Variants in DSCAML1 observed in about 807,000 individuals in gnomAD.
DSCAML1 encodes the protein cell adhesion molecule DSCAML1.
In DSCAML1, 38 loss-of-function variants were observed where a neutral mutation model predicts 200.5. The observed-to-expected ratio is 0.19, with a 90% confidence interval of 0.15 to 0.25. The LOEUF (loss-of-function observed/expected upper bound fraction) is 0.25. Among genes scored for constraint, DSCAML1 ranks in the 10% least tolerant of loss-of-function variants. The probability of loss-of-function intolerance (pLI) is 1.00; values close to 1 mark genes in which losing one functional copy is unlikely to be tolerated. For missense variants in DSCAML1, 2,223 were observed against 2,858.8 expected (o/e 0.78, Z 5.07); for synonymous variants, 1,215 against 1,165.0 (o/e 1.04, Z -0.87).
intron 3 of DSCAML1, among the ~76,000 whole-genome samples, chr11:117,757,911 A>G (rs2054724613): frequency 6.6e-6 from 1 of 152,068 alleles, no homozygotes; most frequent in Non-Finnish European, 1.5e-5. Context: ...AATCGCTTGA[A>G]CCCAGGAGGT....
intron 32 of DSCAML1, among the ~76,000 whole-genome samples, chr11:117,429,837 C>T (rs1281143446): frequency 6.6e-6 from 1 of 152,178 alleles, no homozygotes; most frequent in Non-Finnish European, 1.5e-5. Context: ...TCACGACAGC[C>T]CCTAGGATTG....
chr11:117,796,971 GCCGCCAGCCGCGCCACCCTGGCC>G, intron 1 of DSCAML1, 40 bp downstream of exon 1: 1 of 1,210,686 alleles, frequency 8.3e-7, no homozygotes, highest in Non-Finnish European at 1.1e-6. Context: ...ACCCCGCCTC[GCCGCCAGCCGCGCCACCCTGGCC>G]CCGCCGCCTC....
Position 117,669,793 on chromosome 11 carries a change from G to T in DSCAML1, c.511+106998C>A, listed in dbSNP as rs189631509. Among the ~76,000 whole-genome samples, 4 of 152,364 alleles carry T rather than the reference G, an allele frequency of 2.6e-5. No individual in the cohort carries two copies. The East Asian group carries it at 7.7e-4, about 29-fold the overall frequency. On this transcript the variant is annotated intron_variant, in intron 3 of 32. Transcript: ENST00000651296. ...TTCCAGCTGAAGGAACATGTGCAAA[G>T]GCCCTGGGGCAGGGGCGGATGGAAC...
rs1392309254 is a variant in DSCAML1, at chr11:117,526,880, G to A, written c.659-1797C>T. Reference sequence around the variant, plus strand: ...AGGTCAGGCATAGTAGCTCATGCCTGTAATCTCAGCACTTTGGGAGGCTGA... The same window carrying A: ...AGGTCAGGCATAGTAGCTCATGCCTATAATCTCAGCACTTTGGGAGGCTGA... On this transcript the variant is annotated intron_variant, in intron 4 of 32. Transcript: ENST00000651296. Among the ~76,000 whole-genome samples the A allele has an allele frequency of 2.6e-5, 4 of 151,932 alleles. No homozygotes were observed. In the East Asian group the frequency reaches 5.8e-4, roughly 22 times the overall value.
At chr11:117,560,867 A>ATAAT (rs1246932911) in intron 3 of DSCAML1, among the ~76,000 whole-genome samples, 3 of 152,300 alleles carry the variant, frequency 2.0e-5, no homozygotes, top group Admixed American at 6.5e-5. Flanking sequence ...ATTGTATTGC[A>ATAAT]TAATTAATGA....
intron 3 of DSCAML1, among the ~76,000 whole-genome samples, chr11:117,737,791 C>T (rs1258398144): frequency 6.6e-6 from 1 of 152,180 alleles, no homozygotes; most frequent in Non-Finnish European, 1.5e-5. Context: ...GCTTCCATGT[C>T]AAGAAGGGCA....
intron 3 of DSCAML1, among the ~76,000 whole-genome samples, chr11:117,613,383 G>A (rs1167787908): frequency 2.0e-5 from 3 of 152,150 alleles, no homozygotes; most frequent in African/African-American, 7.2e-5. Flanking sequence ...CAACAAAGGT[G>A]AGGCAGAAGC....
At chr11:117,672,404 C>A (rs1424137064) in intron 3 of DSCAML1, among the ~76,000 whole-genome samples, 1 of 152,132 alleles carries the variant, frequency 6.6e-6, no homozygotes, top group African/African-American at 2.4e-5. Flanking sequence ...CCCCCACTCC[C>A]CAAACACATG....
At chr11:117,691,744 C>T (rs910488691) in intron 3 of DSCAML1, among the ~76,000 whole-genome samples, 6 of 152,136 alleles carry the variant, frequency 3.9e-5, no homozygotes, top group Non-Finnish European at 7.4e-5. Flanking sequence ...GAAAAAGGAA[C>T]AGGGGAGGGG....
rs140718962 is a variant in DSCAML1, at chr11:117,651,882, G to A, written c.512-119360C>T. ...CGAGCCTCTGCAGAAATAGGTTCAGGGAAACAGCGGGGATGACAATGCCTA... is the reference window on the plus strand; with the variant it reads ...CGAGCCTCTGCAGAAATAGGTTCAGAGAAACAGCGGGGATGACAATGCCTA... On this transcript the variant is annotated intron_variant, in intron 3 of 32. Coordinates refer to ENST00000651296, the MANE Select transcript of DSCAML1 (RefSeq NM_020693.4). Among the ~76,000 whole-genome samples, 30 of 152,240 alleles carry A rather than the reference G, an allele frequency of 2.0e-4. No individual in the cohort carries two copies. In the East Asian group the frequency reaches 5.6e-3, roughly 28 times the overall value.
intron 3 of DSCAML1, among the ~76,000 whole-genome samples, chr11:117,641,072 G>A (rs512017): frequency 0.7 from 106,446 of 152,222 alleles, 37,422 homozygotes; most frequent in Admixed American, 0.77. Flanking sequence ...AAATCAGGTT[G>A]AGAACCACTC....
intron 3 of DSCAML1, among the ~76,000 whole-genome samples, chr11:117,698,155 C>A (rs1260365485): frequency 6.6e-6 from 1 of 152,114 alleles, no homozygotes; most frequent in African/African-American, 2.4e-5. Flanking sequence ...GTCAATGGAC[C>A]CTTGGGTTGT....
At chr11:117,454,810 A>T (rs571108643) in intron 19 of DSCAML1, among the ~76,000 whole-genome samples, 1 of 152,172 alleles carries the variant, frequency 6.6e-6, no homozygotes. Context: ...CTTAAATTCA[A>T]TTTCCAGTAT....
chr11:117,508,451 G>T (rs998946352), intron 8 of DSCAML1, among the ~76,000 whole-genome samples: 1 of 151,942 alleles, frequency 6.6e-6, no homozygotes, highest in Non-Finnish European at 1.5e-5. Flanking sequence ...ACAAACATAC[G>T]TCTCAATATC....
intron 3 of DSCAML1, among the ~76,000 whole-genome samples, chr11:117,539,472 G>C (rs183371880): frequency 1.3e-5 from 2 of 152,004 alleles, no homozygotes; most frequent in African/African-American, 4.8e-5. Flanking sequence ...GCCGGGCCTG[G>C]TGGTGGGTGC....
At chr11:117,722,730 G>C (rs1356094817) in intron 3 of DSCAML1, among the ~76,000 whole-genome samples, 6 of 152,282 alleles carry the variant, frequency 3.9e-5, no homozygotes. Context: ...TTCAGGCTGT[G>C]GACTGGCCCG....
intron 2 of DSCAML1, among the ~76,000 whole-genome samples, chr11:117,778,264 A>G (rs2055168268): frequency 6.6e-6 from 1 of 152,126 alleles, no homozygotes; most frequent in South Asian, 2.1e-4. Flanking sequence ...AGCCCTTCCA[A>G]AGGTTTGGGC....
intron 1 of DSCAML1, among the ~76,000 whole-genome samples, chr11:117,811,775 C>G (rs2055763243): frequency 6.6e-6 from 1 of 152,174 alleles, no homozygotes; most frequent in Non-Finnish European, 1.5e-5. Flanking sequence ...TTGGAAGCCC[C>G]GTAGACCATC....
chr11:117,718,362 G>A (rs2053987924), intron 3 of DSCAML1, among the ~76,000 whole-genome samples: 1 of 152,210 alleles, frequency 6.6e-6, no homozygotes, highest in Non-Finnish European at 1.5e-5. Context: ...CCCCCAAGTT[G>A]GGGGTGAAAG....
Sources: allele counts gnomAD v4.1 joint callset (sites outside exome capture counted in the v4.1 genomes callset), GRCh38; gene constraint gnomAD v4.1.1; transcripts MANE v1.5; gene names NCBI Gene and HGNC (gene_info 2026-07-23, HGNC 2026-07-21).